DCAF1: variants seen among roughly 807,000 people sequenced by gnomAD.
DCAF1 encodes DDB1 and CUL4 associated factor 1.
Under a neutral mutation model 128.0 loss-of-function variants are expected in DCAF1, and 15 were observed. The observed-to-expected ratio is 0.12, with a 90% CI of 0.08 to 0.18. DCAF1 has a LOEUF of 0.18. Among genes scored for constraint, DCAF1 ranks in the 10% least tolerant of loss-of-function variants. The pLI is 1.00. For missense variants in DCAF1, 988 were observed against 1,649.5 expected (o/e 0.60, Z 6.95); for synonymous variants, 610 against 603.0 (o/e 1.01, Z -0.17).
intron 6 of DCAF1, among the ~76,000 whole-genome samples, chr3:51,446,718 G>C (rs1701887712): frequency 6.6e-6 from 1 of 151,950 alleles, no homozygotes; most frequent in South Asian, 2.1e-4. Context: ...CCAGAACTTT[G>C]GGAGGCCAAG....
At chr3:51,402,958 T>G (rs2089839144) in intron 24 of DCAF1, among the ~76,000 whole-genome samples, 185 bp downstream of exon 24, 1 of 152,140 alleles carries the variant, frequency 6.6e-6, no homozygotes, top group Admixed American at 6.5e-5. Context: ...TTTGGTTGGG[T>G]TCCACAGTCT....
At position 51,413,062 on chromosome 3, in the gene DCAF1, G is replaced by A. The variant is rs2107179305; in HGVS notation, c.4041C>T (p.Thr1347=). The stretch of plus-strand genomic sequence containing the variant: ...CAAAGATGTTCCGTTTCACATCAAT[G>A]GTTGCTGGAAAATAGAATGTGAGAA... The part of the protein sequence containing the change: ...FNATDYKPIA[T]IDVKRNIFDL... The change falls in exon 22 of 25, where the codon ACC becomes ACT. Residue 1347 remains threonine, a synonymous_variant. Coordinates refer to ENST00000684031, the MANE Select transcript of DCAF1 (RefSeq NM_001387579.1). 1.2e-6 allele frequency: 2 copies of A among 1,613,860 alleles called. 1 individual carries two copies. Among genetic ancestry groups the A allele is most frequent in the East Asian group, 4.5e-5 (2 of 44,864 alleles).
At chr3:51,442,002 G>T in intron 7 of DCAF1, 105 bp from the exon 8 acceptor site, 1 of 1,422,430 alleles carries the variant, frequency 7.0e-7, no homozygotes, top group Non-Finnish European at 9.3e-7. Context: ...CATGCAGTGA[G>T]CCCAACGCCT....
rs189925879 is a variant in DCAF1 at position 51,405,224 on chromosome 3, A to C, written c.4213-1829T>G. On this transcript the variant is annotated intron_variant, in intron 23 of 24. Coordinates refer to ENST00000684031, the MANE Select transcript of DCAF1 (RefSeq NM_001387579.1). The stretch of plus-strand genomic sequence containing the variant: ...GTTGAGTGTGTACATGAAAGGTTAA[A>C]CTGCTCAAATAGGCATGGGCTAGCC... 2.9e-3 allele frequency among the ~76,000 whole-genome samples: 445 copies of C among 152,336 alleles called. 2 individuals are homozygous for C. The highest frequency in any genetic ancestry group is 4.8e-3 in the Non-Finnish European group (325 of 68,030).
intron 15 of DCAF1, 131 bp downstream of exon 15, chr3:51,419,603 T>C: frequency 1.4e-6 from 2 of 1,436,888 alleles, no homozygotes; most frequent in East Asian, 2.4e-5. Context: ...GGTGGTACAA[T>C]TACATTGTTC....
intron 6 of DCAF1, among the ~76,000 whole-genome samples, chr3:51,452,831 G>A (rs1702489922): frequency 6.6e-6 from 1 of 152,074 alleles, no homozygotes; most frequent in African/African-American, 2.4e-5. Flanking sequence ...GGCCAACGTG[G>A]TGAAACCTCA....
chr3:51,415,069 C>T lies in DCAF1; in HGVS notation c.3604-212G>A, dbSNP rs554084674. Reference sequence around the variant, plus strand: ...CACCTCTTTTTCTCGGGGTTCCATTCTGCCTTACTGGCCATTATATTTGAT... The same window carrying T: ...CACCTCTTTTTCTCGGGGTTCCATTTTGCCTTACTGGCCATTATATTTGAT... On this transcript the variant is annotated intron_variant, in intron 18 of 24. Transcript: ENST00000684031. Among the ~76,000 whole-genome samples the T allele has an allele frequency of 3.9e-5, 6 of 152,190 alleles. No individual in the cohort carries two copies. In the East Asian group the frequency reaches 1.2e-3, roughly 29 times the overall value.
chr3:51,486,970 C>CT (rs1348800131), intron 2 of DCAF1, among the ~76,000 whole-genome samples: 1 of 140,420 alleles, frequency 7.1e-6, no homozygotes, highest in African/African-American at 2.6e-5. Flanking sequence ...TTTTTCTTTT[C>CT]TTTTCTTTTT....
intron 2 of DCAF1, among the ~76,000 whole-genome samples, chr3:51,492,171 A>G (rs559903088): frequency 2.9e-4 from 44 of 152,068 alleles, no homozygotes; most frequent in African/African-American, 9.4e-4. Context: ...AAAAAAAAAA[A>G]GTAGTGAGAC....
intron 6 of DCAF1, among the ~76,000 whole-genome samples, chr3:51,454,955 G>T (rs1477840769): frequency 5.3e-5 from 8 of 152,198 alleles, no homozygotes; most frequent in African/African-American, 1.7e-4. Context: ...TTACAGGTGT[G>T]AGCCGCCACG....
intron 19 of DCAF1, 47 bp from the exon 20 acceptor site, chr3:51,414,090 TA>T (rs1698668752): frequency 1.3e-6 from 2 of 1,517,676 alleles, no homozygotes; most frequent in African/African-American, 2.8e-5. Context: ...AAAACTTATC[TA>T]ATCTCATGGG....
intron 24 of DCAF1, among the ~76,000 whole-genome samples, chr3:51,399,054 A>T (rs2089443692): frequency 6.6e-6 from 1 of 152,220 alleles, no homozygotes; most frequent in Admixed American, 6.5e-5. Flanking sequence ...AAGGGCCTGG[A>T]CACAGTTCCC....
At chr3:51,466,778 G>A in intron 5 of DCAF1, 25 bp downstream of exon 5, 2 of 1,607,058 alleles carry the variant, frequency 1.2e-6, no homozygotes, top group African/African-American at 1.3e-5. Flanking sequence ...GATAATCGCT[G>A]GAGAAAAGTA....
intron 2 of DCAF1, among the ~76,000 whole-genome samples, chr3:51,495,802 G>C (rs1708173400): frequency 6.6e-6 from 1 of 151,930 alleles, no homozygotes; most frequent in Admixed American, 6.6e-5. Context: ...TTTTTGTTTT[G>C]TGAGACGGAA....
intron 3 of DCAF1, 29 bp from the exon 4 acceptor site, chr3:51,471,034 C>A: frequency 6.6e-7 from 1 of 1,519,318 alleles, no homozygotes; most frequent in Non-Finnish European, 9.0e-7. Context: ...GGGGTCAACT[C>A]TGGACAAGCA....
chr3:51,446,963 A>AAATAATAATAATAATAAT (rs59908556), intron 6 of DCAF1, among the ~76,000 whole-genome samples: 1,564 of 136,930 alleles, frequency 0.011, 15 homozygotes, highest in South Asian at 0.02. Flanking sequence ...TTTGTCTCAA[A>AAATAATAATAATAATAAT]AATAATAATA....
intron 6 of DCAF1, among the ~76,000 whole-genome samples, chr3:51,449,537 A>G (rs1195645379): frequency 2.0e-5 from 3 of 152,200 alleles, no homozygotes; most frequent in African/African-American, 2.4e-5. Flanking sequence ...AAACACATGC[A>G]ATTAAAAAAG....
chr3:51,456,137 C>G (rs573491070), intron 6 of DCAF1, among the ~76,000 whole-genome samples: 2 of 152,330 alleles, frequency 1.3e-5, no homozygotes. Context: ...CATAAGGGGT[C>G]AGGGAATTCC....
rs1553653900 is a variant in DCAF1, at chr3:51,483,637, G to GTGTGTA, written c.110+81_110+82insTACACA. ...TGTGTGTGTGTGTGTGTGTGTGTGTGTGTGTGTGTATGAAGAAATCTAGCG... is the reference window on the plus strand; with the variant it reads ...TGTGTGTGTGTGTGTGTGTGTGTGTGTGTGTATGTGTGTGTATGAAGAAATCTAGCG... On this transcript the variant is annotated intron_variant, in intron 3 of 24. Transcript: ENST00000684031. 1.6e-4 allele frequency: 136 copies of GTGTGTA among 863,732 alleles called. 3 individuals are homozygous for GTGTGTA. The East Asian group carries it at 3.3e-3, about 21-fold the overall frequency. The allele number at this position is 863,732 out of a possible 1,614,324, so 53.5% of individuals were successfully genotyped here.
Sources: allele counts gnomAD v4.1 joint callset (sites outside exome capture counted in the v4.1 genomes callset), GRCh38; gene constraint gnomAD v4.1.1; transcripts MANE v1.5; gene names NCBI Gene and HGNC (gene_info 2026-07-23, HGNC 2026-07-21).